The following RAD50 variants were observed in gnomAD, a reference collection of about 807,000 sequenced individuals.
The protein encoded by RAD50 is RAD50 double strand break repair protein.
Under a neutral mutation model 168.8 loss-of-function variants are expected in RAD50, and 132 were observed. The observed-to-expected ratio is 0.78, with a 90% confidence interval of 0.68 to 0.90. The LOEUF is 0.90. Among genes scored for constraint, RAD50 ranks in the 40% least tolerant of loss-of-function variants. The probability of loss-of-function intolerance (pLI) is 0.00; values close to 1 mark genes in which losing one functional copy is unlikely to be tolerated. For synonymous variants in RAD50, 525 were observed against 497.4 expected (o/e 1.06, Z -0.74); for missense variants, 1,347 against 1,534.4 (o/e 0.88, Z 2.04).
At chr5:132,621,502 C>T (rs1018333144) in intron 21 of RAD50, among the ~76,000 whole-genome samples, 9 of 151,998 alleles carry the variant, frequency 5.9e-5, no homozygotes, top group Non-Finnish European at 8.8e-5. Context: ...TTTTTAAATC[C>T]CACTCCTCCC....
At chr5:132,590,359 A>G (rs1750676480) in intron 9 of RAD50, among the ~76,000 whole-genome samples, 1 of 152,182 alleles carries the variant, frequency 6.6e-6, no homozygotes, top group Non-Finnish European at 1.5e-5. Flanking sequence ...AATCCCAGCT[A>G]CTTGGGAGGC....
chr5:132,634,035 AT>A (rs967307535), intron 21 of RAD50, among the ~76,000 whole-genome samples: 1 of 151,570 alleles, frequency 6.6e-6, no homozygotes, highest in Non-Finnish European at 1.5e-5. Flanking sequence ...TTTAAAATTT[AT>A]TTTTTTTCTT....
chr5:132,634,437 A>G (rs891699316), intron 21 of RAD50, among the ~76,000 whole-genome samples: 5 of 152,110 alleles, frequency 3.3e-5, no homozygotes, highest in African/African-American at 7.2e-5. Flanking sequence ...ATTAGTCTGA[A>G]TAATTTTTCA....
chr5:132,634,514 C>G (rs1751536867), intron 21 of RAD50, among the ~76,000 whole-genome samples: 1 of 152,046 alleles, frequency 6.6e-6, no homozygotes, highest in Admixed American at 6.6e-5. Flanking sequence ...AGGCTTTTCT[C>G]TCTTTTTTTC....
At position 132,594,920 on chromosome 5, in the gene RAD50, AAAAAG is replaced by A. The variant is rs1561642039; in HGVS notation, c.1849_1853del (p.Arg617GlyfsTer13). On this transcript the variant is annotated frameshift_variant, in exon 12 of 25. Transcript: ENST00000378823. LOFTEE classifies it high-confidence loss of function. ...ATAAAAATCATATAAATAATGAACTAAAAAGAAAGGAAGAGCAGTTGTCCAGTTAC... is the reference window on the plus strand; with the variant it reads ...ATAAAAATCATATAAATAATGAACTAAAAGGAAGAGCAGTTGTCCAGTTAC... 1.2e-6 allele frequency: 2 copies of A among 1,608,770 alleles called. No individual in the cohort carries two copies. The highest frequency in any genetic ancestry group is 1.1e-5 in the South Asian group (1 of 90,952).
chr5:132,581,001 G>T (rs149593402), intron 5 of RAD50, among the ~76,000 whole-genome samples: 102 of 152,218 alleles, frequency 6.7e-4, no homozygotes, highest in African/African-American at 2.3e-3. Context: ...GAAATATATT[G>T]CAAGGGCTTC....
intron 21 of RAD50, among the ~76,000 whole-genome samples, chr5:132,628,403 T>G (rs1014595804): frequency 6.6e-6 from 1 of 152,224 alleles, no homozygotes; most frequent in Non-Finnish European, 1.5e-5. Flanking sequence ...ATCAAGAATC[T>G]AATGCTATTT....
At chr5:132,587,119 A>G (rs114974592) in intron 5 of RAD50, among the ~76,000 whole-genome samples, 1 of 152,272 alleles carries the variant, frequency 6.6e-6, no homozygotes, top group African/African-American at 2.4e-5. Flanking sequence ...TGGTTGAGCA[A>G]GCTTTGGATT....
chr5:132,588,420 T>G (rs1223110138), intron 7 of RAD50, among the ~76,000 whole-genome samples: 1 of 152,116 alleles, frequency 6.6e-6, no homozygotes, highest in Non-Finnish European at 1.5e-5. Flanking sequence ...GGTGATAAAA[T>G]TATATAGAAC....
chr5:132,578,236 G>A (rs184721249), intron 3 of RAD50, among the ~76,000 whole-genome samples: 1 of 152,246 alleles, frequency 6.6e-6, no homozygotes, highest in East Asian at 1.9e-4. Context: ...TGGTCTTATG[G>A]TATACCTCAC....
chr5:132,589,701 TG>T lies in RAD50; in HGVS notation c.1319del (p.Gly440GlufsTer3). On this transcript the variant is annotated frameshift_variant, in exon 9 of 25. Transcript: ENST00000378823. LOFTEE classifies it high-confidence loss of function. ...IDEIRDKKTG[L>X]GRIIELKSEI... ...GAGATAAGAGATAAGAAAACTGGAC[TG>T]GGAAGAATAATTGAGTTAAAATCAG... The T allele has an allele frequency of 6.2e-7, 1 of 1,612,658 alleles. No homozygotes were observed. Among genetic ancestry groups the T allele is most frequent in the South Asian group, 1.1e-5 (1 of 90,868 alleles).
At position 132,642,382 on chromosome 5, in the gene RAD50, A is replaced by G. The variant is rs1009530994; in HGVS notation, c.*18A>G. On this transcript the variant is annotated 3_prime_UTR_variant, in exon 25 of 25. Transcript: ENST00000378823. ...TTCATTAAAAATATCCAAGATTTAA[A>G]TGCCATAGAAATGTAGGTCCTCAGA... The G allele has an allele frequency of 6.2e-7, 1 of 1,604,534 alleles. No individual in the cohort carries two copies. The highest frequency in any genetic ancestry group is 1.7e-5 in the Admixed American group (1 of 59,952).
At chr5:132,640,522 C>G in intron 23 of RAD50, 150 bp from the exon 24 acceptor site, 1 of 1,026,840 alleles carries the variant, frequency 9.7e-7, no homozygotes, top group Non-Finnish European at 1.5e-6. Context: ...GGTCCCAGTG[C>G]TGGGCTCTCC....
At chr5:132,636,184 G>A (rs1027394512) in intron 21 of RAD50, among the ~76,000 whole-genome samples, 1 of 152,138 alleles carries the variant, frequency 6.6e-6, no homozygotes, top group African/African-American at 2.4e-5. Flanking sequence ...TTTACCACTG[G>A]TGCAACATTT....
Position 132,638,172 on chromosome 5 carries a change from G to A in RAD50, c.3567G>A (p.Leu1189=), listed in dbSNP as rs759971562. ...RRNYNYRVVM[L]KGDTALDMRG... ...ATTATAACTACCGAGTGGTGATGCTGAAGGGAGACACAGCCTTGGATATGC... is the reference window on the plus strand; with the variant it reads ...ATTATAACTACCGAGTGGTGATGCTAAAGGGAGACACAGCCTTGGATATGC... Residue 1189 remains leucine (L), a synonymous_variant, in exon 23 of 25, where the codon CTG becomes CTA. Coordinates refer to ENST00000378823, the MANE Select transcript of RAD50 (RefSeq NM_005732.4). 6.2e-7 allele frequency: 1 copy of A among 1,614,188 alleles called. No homozygotes were observed. The highest frequency in any genetic ancestry group is 1.1e-5 in the South Asian group (1 of 91,076).
At position 132,643,243 on chromosome 5, in the gene RAD50, C is replaced by A; in HGVS notation, c.*879C>A. On this transcript the variant is annotated 3_prime_UTR_variant, in exon 25 of 25. Coordinates refer to ENST00000378823, the MANE Select transcript of RAD50 (RefSeq NM_005732.4). ...TCACTCACAGAGTCAAGGCCTGCTCCCTGTAGGGTCCAACCAGACCTGGAA... is the reference window on the plus strand; with the variant it reads ...TCACTCACAGAGTCAAGGCCTGCTCACTGTAGGGTCCAACCAGACCTGGAA... The A allele has an allele frequency of 3.4e-6, 1 of 295,376 alleles. No individual in the cohort carries two copies. The highest frequency in any genetic ancestry group is 5.4e-5 in the South Asian group (1 of 18,690). The allele number at this position is 295,376 out of a possible 1,614,324, so 18.3% of individuals were successfully genotyped here.
At chr5:132,596,247 C>T (rs2706368) in intron 13 of RAD50, among the ~76,000 whole-genome samples, 10,755 of 152,216 alleles carry the variant, frequency 0.071, 1,195 homozygotes, top group African/African-American at 0.24. Context: ...TGGCCCACCT[C>T]GGCCTCCCAA....
chr5:132,572,483 G>GT (rs1331895315), intron 2 of RAD50, among the ~76,000 whole-genome samples: 1 of 152,022 alleles, frequency 6.6e-6, no homozygotes, highest in East Asian at 1.9e-4. Context: ...GTACAGATGG[G>GT]TTTAAAACAA....
At chr5:132,636,674 C>T (rs1309798133) in intron 21 of RAD50, among the ~76,000 whole-genome samples, 1 of 152,128 alleles carries the variant, frequency 6.6e-6, no homozygotes, top group Non-Finnish European at 1.5e-5. Flanking sequence ...CTTGGCTAAC[C>T]GTAAACCTTC....
Sources: gnomAD v4.1 joint callset for allele counts (sites outside exome capture counted in the v4.1 genomes callset) on GRCh38, gnomAD v4.1.1 for gene constraint, MANE v1.5 for transcripts, NCBI Gene and HGNC (gene_info 2026-07-23, HGNC 2026-07-21) for gene names.